ZFHX3: variants seen among roughly 807,000 people sequenced by gnomAD.
The protein encoded by ZFHX3 is zinc finger homeobox protein 3.
A neutral mutation model predicts 279.1 loss-of-function variants in ZFHX3; 42 were observed. The ratio of observed to expected loss-of-function variants is 0.15; its 90% confidence interval spans 0.12 to 0.19. The LOEUF is 0.19. Ranked by LOEUF, ZFHX3 falls within the 10% of genes least tolerant of loss-of-function variation. The pLI, the probability that ZFHX3 is intolerant of heterozygous loss-of-function variation, is 1.00. For missense variants in ZFHX3, 4,981 were observed against 4,754.0 expected (o/e 1.05, Z -1.40); for synonymous variants, 2,293 against 1,957.8 (o/e 1.17, Z -4.52).
intron 4 of ZFHX3, among the ~76,000 whole-genome samples, chr16:73,268,451 C>T (rs2014043742): frequency 6.6e-6 from 1 of 152,208 alleles, no homozygotes. Flanking sequence ...AGGAGACTGA[C>T]ATTTAGACAA....
chr16:73,775,495 G>A (rs904003799), intron 1 of ZFHX3, among the ~76,000 whole-genome samples: 3 of 152,014 alleles, frequency 2.0e-5, no homozygotes, highest in South Asian at 2.1e-4. Flanking sequence ...CATTTCAGAC[G>A]GACTAATCCA....
intron 1 of ZFHX3, among the ~76,000 whole-genome samples, chr16:73,703,562 G>A (rs988873112): frequency 1.3e-5 from 2 of 152,044 alleles, no homozygotes; most frequent in Non-Finnish European, 1.5e-5. Flanking sequence ...TACAGCACAA[G>A]CAGAGAGAGT....
intron 4 of ZFHX3, among the ~76,000 whole-genome samples, chr16:72,866,406 G>T (rs2038025734): frequency 6.6e-6 from 1 of 152,192 alleles, no homozygotes; most frequent in African/African-American, 2.4e-5. Flanking sequence ...GGTGCAATTG[G>T]GAGCCCCTGA....
At chr16:72,977,787 A>T (rs999764464) in intron 1 of ZFHX3, among the ~76,000 whole-genome samples, 3 of 152,176 alleles carry the variant, frequency 2.0e-5, no homozygotes, top group African/African-American at 7.2e-5. Context: ...CATGCACCCC[A>T]GGGTGGAGGG....
chr16:73,831,764 T>A (rs372465783), intron 1 of ZFHX3, among the ~76,000 whole-genome samples: 2 of 152,056 alleles, frequency 1.3e-5, no homozygotes, highest in Non-Finnish European at 2.9e-5. Context: ...TAAGAGGAGA[T>A]AGGATGGGCA....
At chr16:73,459,850 A>C (rs975569032) in intron 2 of ZFHX3, among the ~76,000 whole-genome samples, 1 of 152,178 alleles carries the variant, frequency 6.6e-6, no homozygotes, top group African/African-American at 2.4e-5. Context: ...GAACTCACTG[A>C]CTATCACAAG....
intron 5 of ZFHX3, among the ~76,000 whole-genome samples, chr16:73,230,137 T>C (rs1567424353): frequency 6.6e-6 from 1 of 152,172 alleles, no homozygotes. Context: ...CATGGATGAA[T>C]AGATGACTTG....
chr16:73,739,590 G>C (rs1016769448), intron 1 of ZFHX3, among the ~76,000 whole-genome samples: 8 of 152,290 alleles, frequency 5.3e-5, no homozygotes, highest in African/African-American at 1.9e-4. Flanking sequence ...TCCATGCCTG[G>C]TGAGTCAGTG....
chr16:73,356,704 G>A (rs897691833), intron 3 of ZFHX3, among the ~76,000 whole-genome samples: 4 of 152,030 alleles, frequency 2.6e-5, no homozygotes, highest in South Asian at 2.1e-4. Flanking sequence ...GGATTAAGTA[G>A]ACTAATTACC....
intron 4 of ZFHX3, among the ~76,000 whole-genome samples, chr16:73,279,644 A>G (rs141344948): frequency 6.6e-6 from 1 of 152,226 alleles, no homozygotes; most frequent in Non-Finnish European, 1.5e-5. Context: ...GATCTTTTCA[A>G]CAATGGCATT....
chr16:73,077,661 A>AAG (rs1433821633), intron 8 of ZFHX3, among the ~76,000 whole-genome samples: 2 of 152,224 alleles, frequency 1.3e-5, no homozygotes, highest in Non-Finnish European at 2.9e-5. Context: ...CCACTTTGAC[A>AAG]AGCCTATTTC....
At chr16:72,849,212 A>T (rs2037552184) in intron 4 of ZFHX3, among the ~76,000 whole-genome samples, 1 of 152,126 alleles carries the variant, frequency 6.6e-6, no homozygotes, top group Non-Finnish European at 1.5e-5. Flanking sequence ...TGGGACTGGA[A>T]TGACCCGGGA....
In ZFHX3 at chr16:72,785,520, A is replaced by G. The variant is rs2035329828; in HGVS notation, c.*1644T>C. On this transcript the variant is annotated 3_prime_UTR_variant, in exon 10 of 10. Transcript: ENST00000268489. ...TTTGTTTTTCTCTTTCTTTTATTAA[A>G]CTAAGTCTTGTTTGTTTAAATCAGA... 1 of 152,614 alleles carries G rather than the reference A, an allele frequency of 6.6e-6. No individual in the cohort carries two copies. The highest frequency in any genetic ancestry group is 2.4e-5 in the African/African-American group (1 of 41,442). The allele number at this position is 152,614 out of a possible 1,614,324, so 9.5% of individuals were successfully genotyped here.
At chr16:73,091,478 G>C (rs1353737401) in intron 8 of ZFHX3, among the ~76,000 whole-genome samples, 1 of 152,134 alleles carries the variant, frequency 6.6e-6, no homozygotes, top group African/African-American at 2.4e-5. Flanking sequence ...ACACACTCCT[G>C]TGCTGGCGAC....
At position 72,950,645 on chromosome 16, in the gene ZFHX3, G is replaced by A; in HGVS notation, c.3040C>T (p.Leu1014=). ...CCGCCCTCCTTGATGTGGGCCACCA[G>A]CTGGTACTTCTGCACGTGCTTGTCT... ...KTDKHVQKYQ[L]VAHIKEGGKA... The change falls in exon 3 of 10, where the codon CTG becomes TTG. Residue 1014 remains leucine (L), a synonymous_variant. Coordinates refer to ENST00000268489, the MANE Select transcript of ZFHX3 (RefSeq NM_006885.4). The A allele has an allele frequency of 1.2e-6, 2 of 1,614,232 alleles. No individual in the cohort carries two copies. The highest frequency in any genetic ancestry group is 1.7e-6 in the Non-Finnish European group (2 of 1,180,044).
At chr16:73,627,607 T>C (rs1597035227) in intron 2 of ZFHX3, among the ~76,000 whole-genome samples, 1 of 152,292 alleles carries the variant, frequency 6.6e-6, no homozygotes, top group East Asian at 1.9e-4. Flanking sequence ...AAGGGGAAAG[T>C]CTTGACGTGC....
At chr16:73,881,981 C>A (rs1361718889) in intron 1 of ZFHX3, among the ~76,000 whole-genome samples, 1 of 152,064 alleles carries the variant, frequency 6.6e-6, no homozygotes, top group Non-Finnish European at 1.5e-5. Context: ...CTCTTAGTCT[C>A]TTAACTTTTA....
rs765701259 is a variant in ZFHX3 at position 72,797,620 on chromosome 16, C to T, written c.5062G>A (p.Val1688Ile). ...NLLSQVPTES[V>I]GMPPLGNPIG... The stretch of plus-strand genomic sequence containing the variant: ...GGATTCCCCAGGGGTGGCATCCCTA[C>T]ACTCTCAGTGGGCACTTGGCTTAGT... Residue 1688 changes from valine to isoleucine, a missense_variant, in exon 9 of 10, where the codon GTA becomes ATA. Coordinates refer to ENST00000268489, the MANE Select transcript of ZFHX3 (RefSeq NM_006885.4). The T allele has an allele frequency of 5.0e-6, 8 of 1,614,186 alleles. No homozygotes were observed. Among genetic ancestry groups the T allele is most frequent in the South Asian group, 4.4e-5 (4 of 91,080 alleles).
chr16:73,843,671 A>G (rs1358590949), intron 1 of ZFHX3, among the ~76,000 whole-genome samples: 1 of 152,228 alleles, frequency 6.6e-6, no homozygotes, highest in Non-Finnish European at 1.5e-5. Flanking sequence ...CCCGCTTCTC[A>G]CAGCAAGATA....
Sources: gnomAD v4.1 joint callset for allele counts (sites outside exome capture counted in the v4.1 genomes callset) on GRCh38, gnomAD v4.1.1 for gene constraint, MANE v1.5 for transcripts, NCBI Gene and HGNC (gene_info 2026-07-23, HGNC 2026-07-21) for gene names.